The following GRB14 variants were observed in gnomAD, a reference collection of about 807,000 sequenced individuals.
GRB14 encodes growth factor receptor-bound protein 14.
In GRB14, 38 loss-of-function variants were observed where a neutral mutation model predicts 69.1. The observed-to-expected ratio is 0.55, with a 90% CI of 0.42 to 0.72. The LOEUF is 0.72. Ranked by LOEUF, GRB14 falls within the 30% of genes least tolerant of loss-of-function variation. The probability of loss-of-function intolerance (pLI) is 0.00; values close to 1 mark genes in which losing one functional copy is unlikely to be tolerated. For missense variants in GRB14, 666 were observed against 666.1 expected (o/e 1.00, Z 0.00); for synonymous variants, 247 against 241.3 (o/e 1.02, Z -0.22).
At chr2:164,504,116 A>C (rs1687130481) in intron 8 of GRB14, among the ~76,000 whole-genome samples, 1 of 152,086 alleles carries the variant, frequency 6.6e-6, no homozygotes, top group African/African-American at 2.4e-5. Flanking sequence ...TTCTATATGT[A>C]ATTAGAATTT....
intron 2 of GRB14, among the ~76,000 whole-genome samples, chr2:164,595,230 T>C (rs1212631618): frequency 6.6e-6 from 1 of 152,254 alleles, no homozygotes; most frequent in Non-Finnish European, 1.5e-5. Flanking sequence ...AGCCTACTCA[T>C]GCTTTCATCC....
intron 5 of GRB14, among the ~76,000 whole-genome samples, chr2:164,523,737 G>T (rs1388482290): frequency 6.6e-6 from 1 of 152,050 alleles, no homozygotes; most frequent in Non-Finnish European, 1.5e-5. Context: ...TTTTAAAAAG[G>T]GGAAACATTG....
At chr2:164,506,662 A>G (rs776544363) in intron 8 of GRB14, among the ~76,000 whole-genome samples, 1 of 152,212 alleles carries the variant, frequency 6.6e-6, no homozygotes, top group Admixed American at 6.5e-5. Context: ...ACACATATTC[A>G]TAGCAGCACT....
At chr2:164,566,915 G>T (rs1429030524) in intron 2 of GRB14, among the ~76,000 whole-genome samples, 2 of 151,978 alleles carry the variant, frequency 1.3e-5, no homozygotes, top group Non-Finnish European at 2.9e-5. Context: ...GCTAGTAAAT[G>T]GAGAGTCCAG....
chr2:164,544,691 A>G lies in GRB14; in HGVS notation c.481+2969T>C, dbSNP rs544317569. 8.5e-5 allele frequency among the ~76,000 whole-genome samples: 13 copies of G among 152,320 alleles called. No homozygotes were observed. The East Asian group carries it at 2.3e-3, about 27-fold the overall frequency. The stretch of plus-strand genomic sequence containing the variant: ...AGAAGCAAGCGTCCTTGGCAGGTTG[A>G]TAACTATCTAGGCTGAGCTGTCAAA... On this transcript the variant is annotated intron_variant, in intron 3 of 13. Coordinates refer to ENST00000263915, the MANE Select transcript of GRB14 (RefSeq NM_004490.3).
At chr2:164,539,021 A>G (rs1176216012) in intron 3 of GRB14, among the ~76,000 whole-genome samples, 2 of 152,186 alleles carry the variant, frequency 1.3e-5, no homozygotes, top group Non-Finnish European at 2.9e-5. Flanking sequence ...CATTTGCTTG[A>G]AATATTGTGG....
chr2:164,505,675 T>A (rs763658910), intron 8 of GRB14, among the ~76,000 whole-genome samples: 1 of 152,172 alleles, frequency 6.6e-6, no homozygotes. Flanking sequence ...CATATATATG[T>A]GTATGTGTAA....
chr2:164,537,734 G>A (rs1688114910), intron 3 of GRB14, among the ~76,000 whole-genome samples: 1 of 152,142 alleles, frequency 6.6e-6, no homozygotes, highest in South Asian at 2.1e-4. Context: ...TTAGTTGTGG[G>A]CACTTACTAT....
intron 2 of GRB14, among the ~76,000 whole-genome samples, chr2:164,612,157 G>A (rs906655076): frequency 8.5e-5 from 13 of 152,098 alleles, no homozygotes; most frequent in Non-Finnish European, 1.8e-4. Context: ...TTTAAAAACG[G>A]TACACGCAAT....
chr2:164,539,346 A>G (rs897609564), intron 3 of GRB14, among the ~76,000 whole-genome samples: 6 of 151,888 alleles, frequency 4.0e-5, no homozygotes, highest in African/African-American at 1.5e-4. Flanking sequence ...GTGATGGTGC[A>G]CGCCTGAAAT....
At position 164,612,030 on chromosome 2, in the gene GRB14, T is replaced by C. The variant is rs114100565; in HGVS notation, c.324+7657A>G. On this transcript the variant is annotated intron_variant, in intron 2 of 13. Coordinates refer to ENST00000263915, the MANE Select transcript of GRB14 (RefSeq NM_004490.3). ...TCTCAGGTACAGAAAGGGTGAGCAA[T>C]GGGCTGATATAACACCCCTCATCTG... Among the ~76,000 whole-genome samples the C allele has an allele frequency of 8.0e-3, 1,224 of 152,260 alleles. 12 individuals carry two copies. The highest frequency in any genetic ancestry group is 0.031 in the Middle Eastern group (9 of 294).
chr2:164,601,284 A>T (rs975062981), intron 2 of GRB14, among the ~76,000 whole-genome samples: 1 of 152,168 alleles, frequency 6.6e-6, no homozygotes, highest in Non-Finnish European at 1.5e-5. Flanking sequence ...CTGAAACAAT[A>T]ATACAAAGGA....
At chr2:164,578,286 C>T (rs1037986230) in intron 2 of GRB14, among the ~76,000 whole-genome samples, 2 of 151,578 alleles carry the variant, frequency 1.3e-5, no homozygotes. Context: ...AAAAGTCTTC[C>T]AAAGTAAGGC....
At chr2:164,583,318 G>GA (rs978805335) in intron 2 of GRB14, among the ~76,000 whole-genome samples, 22 of 148,868 alleles carry the variant, frequency 1.5e-4, no homozygotes, top group Non-Finnish European at 2.2e-4. Flanking sequence ...CTCAAAGAAA[G>GA]AAAAAAAAAG....
At chr2:164,493,698 G>T (rs909257645) in intron 13 of GRB14, among the ~76,000 whole-genome samples, 1 of 151,730 alleles carries the variant, frequency 6.6e-6, no homozygotes, top group African/African-American at 2.4e-5. Context: ...TATTTGCTGG[G>T]GACATTGATC....
chr2:164,498,910 G>T (rs1686977164), intron 9 of GRB14, among the ~76,000 whole-genome samples: 1 of 152,062 alleles, frequency 6.6e-6, no homozygotes, highest in African/African-American at 2.4e-5. Flanking sequence ...TCTTTCATTT[G>T]TTACAGGAGC....
intron 9 of GRB14, among the ~76,000 whole-genome samples, chr2:164,499,526 A>G (rs1054870054): frequency 2.6e-5 from 4 of 152,288 alleles, no homozygotes; most frequent in African/African-American, 7.2e-5. Context: ...AGCAATGTTG[A>G]TAACATTCAG....
At chr2:164,594,881 A>G (rs901115028) in intron 2 of GRB14, among the ~76,000 whole-genome samples, 14 of 152,220 alleles carry the variant, frequency 9.2e-5, no homozygotes, top group Admixed American at 6.5e-5. Flanking sequence ...GTAGTTCTTC[A>G]AGGTCAGACT....
At chr2:164,567,473 A>G (rs1318042729) in intron 2 of GRB14, among the ~76,000 whole-genome samples, 2 of 152,140 alleles carry the variant, frequency 1.3e-5, no homozygotes, top group Non-Finnish European at 2.9e-5. Context: ...TTCAAAAATA[A>G]ACACTACAGT....
Sources: gnomAD v4.1 joint callset for allele counts (sites outside exome capture counted in the v4.1 genomes callset) on GRCh38, gnomAD v4.1.1 for gene constraint, MANE v1.5 for transcripts, NCBI Gene and HGNC (gene_info 2026-07-23, HGNC 2026-07-21) for gene names.